Variants in SAP130 observed in about 807,000 individuals in gnomAD.
SAP130 encodes the protein Sin3A associated protein 130.
In SAP130, 16 loss-of-function variants were observed where a neutral mutation model predicts 103.2. The ratio of observed to expected loss-of-function variants is 0.16; its 90% confidence interval spans 0.10 to 0.24. SAP130 has a LOEUF of 0.24. Among genes scored for constraint, SAP130 ranks in the 10% least tolerant of loss-of-function variants. SAP130 has a pLI of 1.00. For synonymous variants in SAP130, 477 were observed against 497.0 expected (o/e 0.96, Z 0.53); for missense variants, 990 against 1,359.7 (o/e 0.73, Z 4.28).
chr2:127,986,195 C>T lies in SAP130; in HGVS notation c.1958+590G>A, dbSNP rs985405357. Among the ~76,000 whole-genome samples the T allele has an allele frequency of 1.3e-5, 2 of 152,246 alleles. No individual in the cohort carries two copies. The highest frequency in any genetic ancestry group is 2.9e-5 in the Non-Finnish European group (2 of 68,044). The stretch of plus-strand genomic sequence containing the variant: ...AATTGAGCTGGTTAATGCAAGCCAT[C>T]TATGGATGGCTAAACTAAAAGAGCA... On this transcript the variant is annotated intron_variant, in intron 14 of 20. Transcript: ENST00000643581. This position sits in a 1 kb window ranked among gnomAD's most constrained non-coding sequence, Gnocchi z 4.7.
chr2:127,944,741 A>T (rs1474080720), intron 19 of SAP130, among the ~76,000 whole-genome samples: 2 of 151,924 alleles, frequency 1.3e-5, no homozygotes, highest in African/African-American at 4.8e-5. Flanking sequence ...AAAAAATTTT[A>T]AAAAATCAGC....
At chr2:127,968,272 G>T (rs1398405898) in intron 15 of SAP130, among the ~76,000 whole-genome samples, 1 of 151,810 alleles carries the variant, frequency 6.6e-6, no homozygotes, top group Admixed American at 6.6e-5. Context: ...ACCATGTCCA[G>T]CTAATTTTTT....
intron 12 of SAP130, among the ~76,000 whole-genome samples, chr2:127,991,955 G>A (rs1194611325): frequency 6.6e-6 from 1 of 152,170 alleles, no homozygotes; most frequent in Non-Finnish European, 1.5e-5. Flanking sequence ...AATCCAGGCA[G>A]CAATAACACT....
intron 8 of SAP130, 32 bp downstream of exon 8, chr2:128,000,275 G>C: frequency 2.5e-6 from 4 of 1,613,916 alleles, no homozygotes; most frequent in Non-Finnish European, 3.4e-6. Context: ...ACCCAACAAA[G>C]TACACAGGTG....
At chr2:128,009,988 T>C (rs59059489) in intron 7 of SAP130, among the ~76,000 whole-genome samples, 3,167 of 152,220 alleles carry the variant, frequency 0.021, 113 homozygotes, top group African/African-American at 0.072. Flanking sequence ...CCACCCACCC[T>C]GTCACTCCCA....
At chr2:127,956,349 C>G (rs192642396) in intron 15 of SAP130, among the ~76,000 whole-genome samples, 1 of 152,234 alleles carries the variant, frequency 6.6e-6, no homozygotes, top group Non-Finnish European at 1.5e-5. Context: ...AAGTGTTTTC[C>G]TGAGTTCTGT....
intron 2 of SAP130, among the ~76,000 whole-genome samples, chr2:128,022,414 C>T (rs115972485): frequency 0.011 from 1,648 of 152,256 alleles, 25 homozygotes; most frequent in African/African-American, 0.038. Context: ...ACAGTTTCTA[C>T]GAACATGTGA....
rs1353619896 is a variant in SAP130, at chr2:128,027,616, G to GGGCC, written c.-7+320_-7+323dup. Among the ~76,000 whole-genome samples, 225 of 149,148 alleles carry GGGCC rather than the reference G, an allele frequency of 1.5e-3. 2 individuals carry two copies. The highest frequency in any genetic ancestry group is 3.0e-3 in the Admixed American group (46 of 15,090). On this transcript the variant is annotated intron_variant, in intron 1 of 20. Coordinates refer to ENST00000643581, the MANE Select transcript of SAP130 (RefSeq NM_001330301.2). The stretch of plus-strand genomic sequence containing the variant: ...AACTGCTCCAGGAGCCAAACTCCCT[G>GGGCC]GGCCGGCCGCCCGCCCGCCCGCCCG...
At chr2:128,018,955 G>A (rs998511808) in intron 2 of SAP130, among the ~76,000 whole-genome samples, 2 of 151,776 alleles carry the variant, frequency 1.3e-5, no homozygotes, top group Admixed American at 6.6e-5. Context: ...AAAATTAGCC[G>A]GGCGTGGTGG....
intron 15 of SAP130, among the ~76,000 whole-genome samples, chr2:127,961,010 G>A (rs1276036034): frequency 1.2e-5 from 1 of 86,636 alleles, no homozygotes; most frequent in African/African-American, 4.4e-5. Context: ...TTTTTTTTTT[G>A]AGACAGGGTC....
At chr2:127,959,475 C>A (rs966393206) in intron 15 of SAP130, among the ~76,000 whole-genome samples, 1 of 152,226 alleles carries the variant, frequency 6.6e-6, no homozygotes, top group Non-Finnish European at 1.5e-5. Context: ...CCTCCCCATC[C>A]CACTACTCAT....
At chr2:127,979,181 C>T (rs1681685409) in intron 14 of SAP130, among the ~76,000 whole-genome samples, 1 of 152,136 alleles carries the variant, frequency 6.6e-6, no homozygotes, top group Admixed American at 6.6e-5. Flanking sequence ...GGCCATGTGA[C>T]GACGGAGGCA....
chr2:128,028,037 C>T lies in SAP130; in HGVS notation c.-104G>A. The T allele has an allele frequency of 1.0e-6, 1 of 955,930 alleles. No individual in the cohort carries two copies. The highest frequency in any genetic ancestry group is 1.2e-6 in the Non-Finnish European group (1 of 802,758). 59.2% of individuals were successfully genotyped at this position (955,930 alleles called of 1,614,324 possible). On this transcript the variant is annotated 5_prime_UTR_variant, in exon 1 of 21. Transcript: ENST00000643581. ...CGTCCCCAGGCTCCGGACCCGCAGC[C>T]ACCGCCGGGGAGCTAGCACTCTGCC... is the stretch of plus-strand genomic sequence containing the variant.
At chr2:128,010,498 T>C in intron 6 of SAP130, 105 bp from the exon 7 acceptor site, 1 of 1,101,100 alleles carries the variant, frequency 9.1e-7, no homozygotes. Flanking sequence ...AGCATGTTTC[T>C]GCCCAAGTAA....
In SAP130 at chr2:127,941,941, ACCCT is replaced by A; in HGVS notation, c.*61_*64del. 1 of 276,726 alleles carries A rather than the reference ACCCT, an allele frequency of 3.6e-6. No individual in the cohort carries two copies. The allele number at this position is 276,726 out of a possible 1,614,324, so 17.1% of individuals were successfully genotyped here. ...ATGTTCCACTTTGGAAAAAACCAAA[ACCCT>A]CCCCCCACCCCCACCATCATTCTTC... On this transcript the variant is annotated 3_prime_UTR_variant, in exon 21 of 21. Transcript: ENST00000643581.
At chr2:128,018,019 G>C in intron 2 of SAP130, 104 bp from the exon 3 acceptor site, 1 of 902,650 alleles carries the variant, frequency 1.1e-6, no homozygotes, top group Non-Finnish European at 1.7e-6. Context: ...GATTGACAAA[G>C]TGGCCATTTC....
At chr2:127,976,080 T>G (rs1681441967) in intron 15 of SAP130, among the ~76,000 whole-genome samples, 1 of 152,180 alleles carries the variant, frequency 6.6e-6, no homozygotes, top group Non-Finnish European at 1.5e-5. Context: ...TCTCCTGACC[T>G]TGTGATCTGC....
Position 127,989,132 on chromosome 2 carries a change from T to C in SAP130, c.1780+432A>G, listed in dbSNP as rs1177225338. Reference sequence around the variant, plus strand: ...TTTTTTTTTGGAGACAGAGTCTCACTCTGTGGCCCAGGCTGGAGTGCAGTG... The same window carrying C: ...TTTTTTTTTGGAGACAGAGTCTCACCCTGTGGCCCAGGCTGGAGTGCAGTG... On this transcript the variant is annotated intron_variant, in intron 13 of 20. Coordinates refer to ENST00000643581, the MANE Select transcript of SAP130 (RefSeq NM_001330301.2). The surrounding 1 kb of genome is among the most constrained non-coding windows in gnomAD (Gnocchi z 4.6). Among the ~76,000 whole-genome samples, 1 of 151,460 alleles carries C rather than the reference T, an allele frequency of 6.6e-6. No individual in the cohort carries two copies. Among genetic ancestry groups the C allele is most frequent in the African/African-American group, 2.4e-5 (1 of 41,206 alleles).
chr2:128,003,054 A>AG (rs1346371391), intron 7 of SAP130, among the ~76,000 whole-genome samples: 3 of 151,868 alleles, frequency 2.0e-5, no homozygotes, highest in African/African-American at 7.3e-5. Context: ...TTGAGAGCCC[A>AG]GGAGGCAGAG....
Sources: allele counts gnomAD v4.1 joint callset (sites outside exome capture counted in the v4.1 genomes callset), GRCh38; gene constraint gnomAD v4.1.1; non-coding constraint Gnocchi (gnomAD v3.1); transcripts MANE v1.5; gene names NCBI Gene and HGNC (gene_info 2026-07-23, HGNC 2026-07-21).